SPACDR: variants seen among roughly 807,000 people sequenced by gnomAD.
SPACDR encodes sperm acrosome developmental regulator.
At chr7:100,457,549 C>A in the SPACDR span, among the ~76,000 whole-genome samples, 1 of 151,014 alleles carries the variant, frequency 6.6e-6, no homozygotes, top group Non-Finnish European at 1.5e-5. Flanking sequence ...GAACTCCTGA[C>A]CTCAAGTGAT....
the SPACDR span, among the ~76,000 whole-genome samples, chr7:100,457,855 A>AT: frequency 5.0e-4 from 34 of 68,012 alleles, 1 homozygote; most frequent in African/African-American, 1.8e-3. Context: ...ATATATATAT[A>AT]TATTTTTTTT....
the SPACDR span, chr7:100,463,335 A>T: frequency 3.3e-6 from 5 of 1,522,814 alleles, no homozygotes; most frequent in Non-Finnish European, 4.4e-6. Flanking sequence ...CTGGGGAAAG[A>T]GGGAGGGGGT....
the SPACDR span, among the ~76,000 whole-genome samples, chr7:100,461,694 A>G: frequency 1.3e-5 from 2 of 152,132 alleles, no homozygotes; most frequent in Admixed American, 1.3e-4. Context: ...ACTTCTGTTA[A>G]GAAGGCCTTG....
the SPACDR span, among the ~76,000 whole-genome samples, chr7:100,457,751 G>A: frequency 2.0e-5 from 3 of 146,868 alleles, no homozygotes; most frequent in African/African-American, 7.6e-5. Flanking sequence ...CTCCTGAGTA[G>A]CTGGGACTAC....
chr7:100,462,860 A>G, the SPACDR span, among the ~76,000 whole-genome samples: 2 of 146,312 alleles, frequency 1.4e-5, no homozygotes, highest in African/African-American at 5.0e-5. Flanking sequence ...CTGTAATCCC[A>G]GCACTTTGGG....
chr7:100,457,169 CT>C, the SPACDR span, among the ~76,000 whole-genome samples: 850 of 143,042 alleles, frequency 5.9e-3, 1 homozygote, highest in African/African-American at 8.2e-3. Context: ...CATTTCTATC[CT>C]TTTTTTTTTT....
the SPACDR span, chr7:100,456,743 G>A: frequency 1.9e-6 from 3 of 1,580,510 alleles, no homozygotes; most frequent in Non-Finnish European, 2.6e-6. Context: ...TAAGGGTCTG[G>A]GGTTCCCCCT....
chr7:100,463,602 T>A, the SPACDR span: 11 of 1,613,264 alleles, frequency 6.8e-6, no homozygotes, highest in Non-Finnish European at 9.3e-6. Context: ...ACCTGGAGAG[T>A]CTTCTCCATC....
chr7:100,462,064 C>T, the SPACDR span, among the ~76,000 whole-genome samples: 1 of 151,962 alleles, frequency 6.6e-6, no homozygotes, highest in African/African-American at 2.4e-5. Context: ...TCCTACAGCC[C>T]GCTTGACAAC....
the SPACDR span, chr7:100,463,700 C>T: frequency 6.2e-7 from 1 of 1,608,778 alleles, no homozygotes; most frequent in Admixed American, 1.7e-5. Context: ...AGAACCAAGA[C>T]ACAGAGAGGA....
chr7:100,457,848 T>G, the SPACDR span, among the ~76,000 whole-genome samples: 2 of 124,876 alleles, frequency 1.6e-5, no homozygotes, highest in Non-Finnish European at 3.3e-5. Context: ...TGTGTATATA[T>G]ATATATATAT....
chr7:100,456,988 G>T, the SPACDR span: 2 of 1,605,990 alleles, frequency 1.2e-6, no homozygotes, highest in Non-Finnish European at 1.7e-6. Context: ...ACTGATGACT[G>T]TAAGAGAAAG....
At chr7:100,463,460 C>T in the SPACDR span, 2 of 1,613,782 alleles carry the variant, frequency 1.2e-6, no homozygotes, top group South Asian at 1.1e-5. Flanking sequence ...TAGGGATTGG[C>T]CCTGTTGGCC....
chr7:100,464,024 A>C, the SPACDR span: 1 of 1,455,906 alleles, frequency 6.9e-7, no homozygotes, highest in Non-Finnish European at 9.2e-7. Context: ...GACCACAACC[A>C]TCTCTCTTGA....
chr7:100,462,131 G>T, the SPACDR span, among the ~76,000 whole-genome samples: 1 of 152,136 alleles, frequency 6.6e-6, no homozygotes, highest in South Asian at 2.1e-4. Context: ...CTCATCTGTA[G>T]CCCTGCAAGT....
the SPACDR span, among the ~76,000 whole-genome samples, chr7:100,458,444 T>A: frequency 4.6e-5 from 7 of 152,200 alleles, no homozygotes; most frequent in African/African-American, 1.7e-4. Context: ...ATTTGCATCA[T>A]CACAAGTGTC....
At chr7:100,462,912 C>G in the SPACDR span, among the ~76,000 whole-genome samples, 1 of 149,154 alleles carries the variant, frequency 6.7e-6, no homozygotes. Context: ...GAGTTCGAGA[C>G]CAGCTTGGCC....
chr7:100,458,474 AACTACACTC>A, the SPACDR span, among the ~76,000 whole-genome samples: 1 of 152,174 alleles, frequency 6.6e-6, no homozygotes, highest in Non-Finnish European at 1.5e-5. Flanking sequence ...GTCCTTTAAT[AACTACACTC>A]TTCTCCCCCT....
chr7:100,458,492 CT>C, the SPACDR span, among the ~76,000 whole-genome samples: 4 of 152,150 alleles, frequency 2.6e-5, no homozygotes, highest in Non-Finnish European at 4.4e-5. Flanking sequence ...TCTTCTCCCC[CT>C]ATCTCTGTGG....
Sources: gnomAD v4.1 joint callset for allele counts (sites outside exome capture counted in the v4.1 genomes callset) on GRCh38, gnomAD v4.1.1 for gene constraint, MANE v1.5 for transcripts, NCBI Gene and HGNC (gene_info 2026-07-23, HGNC 2026-07-21) for gene names.